Variants in SEMA5A observed in about 807,000 individuals in gnomAD.
The protein encoded by SEMA5A is semaphorin-5A.
SEMA5A carries 55 observed loss-of-function variants against 135.5 expected under a neutral mutation model. The observed-to-expected ratio is 0.41, with a 90% CI of 0.33 to 0.51. The LOEUF is 0.51. Among genes scored for constraint, SEMA5A ranks in the 20% least tolerant of loss-of-function variants. The pLI is 0.37. For missense variants in SEMA5A, 1,290 were observed against 1,419.9 expected, an observed-to-expected ratio of 0.91 and a Z score of 1.47; for synonymous variants, 580 against 546.5, an observed-to-expected ratio of 1.06 and a Z score of -0.85.
chr5:9,387,806 A>G (rs960787897), intron 2 of SEMA5A, among the ~76,000 whole-genome samples: 1 of 152,240 alleles, frequency 6.6e-6, no homozygotes, highest in Admixed American at 6.5e-5. Context: ...ATTATTTGGG[A>G]AATACAGTGA....
chr5:9,174,457 C>A (rs944466746), intron 11 of SEMA5A, among the ~76,000 whole-genome samples: 5 of 152,210 alleles, frequency 3.3e-5, no homozygotes, highest in African/African-American at 1.2e-4. Flanking sequence ...TTCTTCCAGT[C>A]ACTCTGCTTT....
chr5:9,400,500 C>CTTTTTTT (rs1176889691), intron 2 of SEMA5A, among the ~76,000 whole-genome samples: 6 of 85,400 alleles, frequency 7.0e-5, no homozygotes, highest in Admixed American at 1.4e-4. Context: ...ACACAATGTA[C>CTTTTTTT]ATTTTTTTTT....
In SEMA5A at chr5:9,035,695, AAT is replaced by A. The variant is rs1374103337; in HGVS notation, c.*7200_*7201del. 2 of 152,172 alleles carry A rather than the reference AAT, an allele frequency of 1.3e-5. No homozygotes were observed. Among genetic ancestry groups the A allele is most frequent in the East Asian group, 3.8e-4 (2 of 5,198 alleles). The allele number at this position is 152,172 out of a possible 1,614,324, so 9.4% of individuals were successfully genotyped here. On this transcript the variant is annotated 3_prime_UTR_variant, in exon 23 of 23. Transcript: ENST00000382496. ...CACATGTAACAAGAAGGTTTTGAAG[AAT>A]ATCAATGCTTCAAATGTAAGGATTG...
intron 1 of SEMA5A, among the ~76,000 whole-genome samples, chr5:9,448,540 A>C (rs1758516562): frequency 6.6e-6 from 1 of 152,222 alleles, no homozygotes; most frequent in Non-Finnish European, 1.5e-5. Context: ...TTGTGGAATT[A>C]ACAGTATTAA....
At chr5:9,049,769 C>G (rs1439871758) in intron 21 of SEMA5A, among the ~76,000 whole-genome samples, 1 of 152,198 alleles carries the variant, frequency 6.6e-6, no homozygotes, top group Non-Finnish European at 1.5e-5. Context: ...ACAACACAGA[C>G]AAGTACTTTA....
intron 16 of SEMA5A, among the ~76,000 whole-genome samples, chr5:9,089,468 G>A (rs1738913579): frequency 1.3e-5 from 2 of 151,934 alleles, no homozygotes; most frequent in Non-Finnish European, 2.9e-5. Context: ...GCTCAGCATG[G>A]CACCTTTCAC....
At chr5:9,298,095 T>A (rs1273855991) in intron 5 of SEMA5A, among the ~76,000 whole-genome samples, 1 of 152,198 alleles carries the variant, frequency 6.6e-6, no homozygotes, top group Non-Finnish European at 1.5e-5. Context: ...TAACCCCCAG[T>A]ACCTAACAAA....
intron 5 of SEMA5A, among the ~76,000 whole-genome samples, chr5:9,251,035 G>T (rs1269720133): frequency 6.6e-6 from 1 of 152,144 alleles, no homozygotes; most frequent in Non-Finnish European, 1.5e-5. Flanking sequence ...GGTCTTGAGA[G>T]CTCTGTCCTA....
chr5:9,441,732 A>G (rs1027253535), intron 1 of SEMA5A, among the ~76,000 whole-genome samples: 1 of 152,168 alleles, frequency 6.6e-6, no homozygotes, highest in African/African-American at 2.4e-5. Context: ...GAGTGTGTGG[A>G]GGCAGCCAGC....
chr5:9,540,806 C>T (rs1017093715), intron 1 of SEMA5A, among the ~76,000 whole-genome samples: 2 of 152,072 alleles, frequency 1.3e-5, no homozygotes, highest in African/African-American at 2.4e-5. Flanking sequence ...GTAGCTGGCT[C>T]AGAACAGCTT....
At chr5:9,253,399 C>G (rs1348241178) in intron 5 of SEMA5A, among the ~76,000 whole-genome samples, 1 of 151,966 alleles carries the variant, frequency 6.6e-6, no homozygotes, top group Non-Finnish European at 1.5e-5. Context: ...ATTATTGTAG[C>G]TGTGAAAATC....
chr5:9,488,409 A>ATGC (rs1227760157), intron 1 of SEMA5A, among the ~76,000 whole-genome samples: 1 of 152,226 alleles, frequency 6.6e-6, no homozygotes, highest in Non-Finnish European at 1.5e-5. Flanking sequence ...GATGCAAAAT[A>ATGC]TGCTGCCTTT....
chr5:9,065,168 G>C (rs938839192), intron 17 of SEMA5A, among the ~76,000 whole-genome samples: 2 of 152,224 alleles, frequency 1.3e-5, no homozygotes, highest in African/African-American at 4.8e-5. Context: ...GCAGTGGTGT[G>C]AGGAGAGGAG....
Position 9,042,008 on chromosome 5 carries a change from G to C in SEMA5A, c.*889C>G, listed in dbSNP as rs983445465. On this transcript the variant is annotated 3_prime_UTR_variant, in exon 23 of 23. Transcript: ENST00000382496. The stretch of plus-strand genomic sequence containing the variant: ...TTCAAGATTTTTCTTTGCAGGGAGA[G>C]AGAAGGCATGGAGTCTATCCAAACG... The C allele has an allele frequency of 1.3e-5, 2 of 152,270 alleles. No homozygotes were observed. Among genetic ancestry groups the C allele is most frequent in the East Asian group, 3.8e-4 (2 of 5,198 alleles). The allele number at this position is 152,270 out of a possible 1,614,324, so 9.4% of individuals were successfully genotyped here.
chr5:9,241,394 G>A (rs542768071), intron 5 of SEMA5A, among the ~76,000 whole-genome samples: 11 of 151,970 alleles, frequency 7.2e-5, no homozygotes, highest in African/African-American at 2.7e-4. Context: ...TTACAATACA[G>A]CATAAGTGTA....
At chr5:9,435,667 C>T (rs2126667126) in intron 2 of SEMA5A, among the ~76,000 whole-genome samples, 1 of 152,292 alleles carries the variant, frequency 6.6e-6, no homozygotes, top group South Asian at 2.1e-4. Context: ...GCTCAGAAAG[C>T]TGCTTAGCCT....
intron 1 of SEMA5A, among the ~76,000 whole-genome samples, chr5:9,499,806 T>C (rs1238893528): frequency 6.6e-6 from 1 of 152,132 alleles, no homozygotes; most frequent in Admixed American, 6.5e-5. Flanking sequence ...TTAACTTTCA[T>C]CCACTAATAA....
At chr5:9,236,072 T>G (rs769255556) in intron 6 of SEMA5A, among the ~76,000 whole-genome samples, 1 of 152,150 alleles carries the variant, frequency 6.6e-6, no homozygotes, top group African/African-American at 2.4e-5. Flanking sequence ...ATCATGAGAA[T>G]AGCACAGGGA....
chr5:9,285,006 C>G (rs1408022547), intron 5 of SEMA5A, among the ~76,000 whole-genome samples: 1 of 152,190 alleles, frequency 6.6e-6, no homozygotes, highest in Non-Finnish European at 1.5e-5. Flanking sequence ...AGAAAATTCT[C>G]ACATCCTCCT....
Sources: allele counts gnomAD v4.1 joint callset (sites outside exome capture counted in the v4.1 genomes callset), GRCh38; gene constraint gnomAD v4.1.1; transcripts MANE v1.5; gene names NCBI Gene and HGNC (gene_info 2026-07-23, HGNC 2026-07-21).